CBFB: variants seen among roughly 807,000 people sequenced by gnomAD.
The protein encoded by CBFB is CBF-beta.
A neutral mutation model predicts 30.4 loss-of-function variants in CBFB; 9 were observed. That is an observed-to-expected ratio of 0.30 (90% CI 0.18 to 0.52). The LOEUF (loss-of-function observed/expected upper bound fraction) is 0.52. Ranked by LOEUF, CBFB falls within the 20% of genes least tolerant of loss-of-function variation. The pLI is 0.97. For missense variants in CBFB, 170 were observed against 244.0 expected (o/e 0.70, Z 2.02); for synonymous variants, 94 against 84.0 (o/e 1.12, Z -0.65).
intron 3 of CBFB, among the ~76,000 whole-genome samples, chr16:67,062,600 C>T (rs1435827979): frequency 3.3e-5 from 5 of 151,286 alleles, no homozygotes; most frequent in East Asian, 2.0e-4. Flanking sequence ...GAGAGCAGCC[C>T]GGCCAACATG....
intron 3 of CBFB, among the ~76,000 whole-genome samples, chr16:67,054,910 A>G (rs1597136647): frequency 6.8e-6 from 1 of 148,018 alleles, no homozygotes; most frequent in African/African-American, 2.5e-5. Flanking sequence ...GCCCACCACC[A>G]CGCCTGGCTA....
At chr16:67,092,419 A>C (rs148204500) in intron 5 of CBFB, among the ~76,000 whole-genome samples, 9 of 152,214 alleles carry the variant, frequency 5.9e-5, no homozygotes, top group South Asian at 2.1e-4. Context: ...ATTAATGCCA[A>C]TTGTAAGTTA....
intron 2 of CBFB, chr16:67,030,277 T>A (rs2071889757): frequency 6.4e-6 from 1 of 155,130 alleles, no homozygotes; most frequent in Admixed American, 6.6e-5. Flanking sequence ...TTCCTCCAGT[T>A]ATTTATTCTA....
At chr16:67,096,792 A>G (rs1473243014) in intron 5 of CBFB, among the ~76,000 whole-genome samples, 1 of 151,580 alleles carries the variant, frequency 6.6e-6, no homozygotes, top group South Asian at 2.1e-4. Flanking sequence ...GGCTAACACA[A>G]AGAAACCCCA....
intron 4 of CBFB, among the ~76,000 whole-genome samples, chr16:67,068,363 C>G (rs895785233): frequency 6.6e-6 from 1 of 151,966 alleles, no homozygotes; most frequent in African/African-American, 2.4e-5. Context: ...GTCTGTTAGT[C>G]CTAGCTACTT....
At chr16:67,075,608 A>G (rs1013065028) in intron 4 of CBFB, among the ~76,000 whole-genome samples, 5 of 152,206 alleles carry the variant, frequency 3.3e-5, no homozygotes, top group Admixed American at 6.5e-5. Context: ...GTTCTACTCC[A>G]AGGCATGATG....
intron 2 of CBFB, among the ~76,000 whole-genome samples, chr16:67,030,923 T>G (rs1443809397): frequency 6.6e-6 from 1 of 152,194 alleles, no homozygotes; most frequent in Admixed American, 6.5e-5. Flanking sequence ...TGAAGCACTG[T>G]CTAATGGAAT....
chr16:67,067,565 G>A (rs1961096232), intron 4 of CBFB, among the ~76,000 whole-genome samples: 3 of 152,086 alleles, frequency 2.0e-5, no homozygotes, highest in African/African-American at 7.2e-5. Context: ...CCTCATGGAA[G>A]CTATTGAATC....
rs539827037 is a variant in CBFB at position 67,085,974 on chromosome 16, G to A, written c.495+3666G>A. ...ATTACAGGCTTGAGCCACTGTGCCC[G>A]GCTTAAAATTTAGTATCTTTTAGTG... On this transcript the variant is annotated intron_variant, in intron 5 of 5. Transcript: ENST00000412916. Among the ~76,000 whole-genome samples, 10 of 152,206 alleles carry A rather than the reference G, an allele frequency of 6.6e-5. No individual in the cohort carries two copies. In the East Asian group the frequency reaches 1.2e-3, roughly 18 times the overall value.
intron 4 of CBFB, among the ~76,000 whole-genome samples, chr16:67,074,013 G>C (rs1460467748): frequency 6.6e-6 from 1 of 152,102 alleles, no homozygotes; most frequent in African/African-American, 2.4e-5. Context: ...CTGGGCAACA[G>C]AGCAAGACTC....
At chr16:67,095,452 G>A (rs996954485) in intron 5 of CBFB, among the ~76,000 whole-genome samples, 9 of 152,110 alleles carry the variant, frequency 5.9e-5, no homozygotes, top group Admixed American at 1.3e-4. Context: ...AGGAGGCAGA[G>A]GTTGCAGTGC....
At chr16:67,093,125 T>A (rs1323801970) in intron 5 of CBFB, among the ~76,000 whole-genome samples, 4 of 152,020 alleles carry the variant, frequency 2.6e-5, no homozygotes, top group Non-Finnish European at 5.9e-5. Context: ...TTTAAAAATT[T>A]TTTGTAGGGG....
intron 5 of CBFB, among the ~76,000 whole-genome samples, chr16:67,096,697 G>A (rs1333892916): frequency 3.3e-5 from 5 of 151,932 alleles, no homozygotes; most frequent in East Asian, 3.9e-4. Context: ...CATCTGGGCC[G>A]GGCGCGGTGG....
At chr16:67,054,319 G>A (rs778266284) in intron 3 of CBFB, among the ~76,000 whole-genome samples, 9 of 152,064 alleles carry the variant, frequency 5.9e-5, no homozygotes, top group African/African-American at 2.2e-4. Context: ...TTGTTTCATT[G>A]TCTTGGTTTA....
At chr16:67,082,792 C>G (rs759443730) in intron 5 of CBFB, among the ~76,000 whole-genome samples, 3 of 151,988 alleles carry the variant, frequency 2.0e-5, no homozygotes, top group Non-Finnish European at 2.9e-5. Flanking sequence ...ATTCAAAGAA[C>G]GGAATTAAAC....
chr16:67,082,416 C>T (rs1961591160), intron 5 of CBFB, 108 bp downstream of exon 5: 2 of 1,362,004 alleles, frequency 1.5e-6, no homozygotes, highest in African/African-American at 1.5e-5. Context: ...TTAATTTTGT[C>T]TTTCATTTTT....
chr16:67,092,507 A>T (rs1961915340), intron 5 of CBFB, among the ~76,000 whole-genome samples: 2 of 151,828 alleles, frequency 1.3e-5, no homozygotes, highest in South Asian at 4.1e-4. Flanking sequence ...AAATTACTTA[A>T]CCTTAGTCTT....
chr16:67,054,188 CG>C (rs1320381457), intron 3 of CBFB, among the ~76,000 whole-genome samples: 2 of 151,966 alleles, frequency 1.3e-5, no homozygotes, highest in African/African-American at 2.4e-5. Context: ...TCTTGGTTTA[CG>C]GTCTCTTTGT....
chr16:67,053,520 G>C lies in CBFB; in HGVS notation c.283-13162G>C, dbSNP rs145978122. On this transcript the variant is annotated intron_variant, in intron 3 of 5. Coordinates refer to ENST00000412916, the MANE Select transcript of CBFB (RefSeq NM_022845.3). ...TCCACACTCTTCGGCCTCCCAAAGT[G>C]CTGGGATTACAAGCGTGAGCCACCG... Among the ~76,000 whole-genome samples, 15 of 152,100 alleles carry C rather than the reference G, an allele frequency of 9.9e-5. No homozygotes were observed. The South Asian group carries it at 3.1e-3, about 32-fold the overall frequency.
Sources: gnomAD v4.1 joint callset for allele counts (sites outside exome capture counted in the v4.1 genomes callset) on GRCh38, gnomAD v4.1.1 for gene constraint, MANE v1.5 for transcripts, NCBI Gene and HGNC (gene_info 2026-07-23, HGNC 2026-07-21) for gene names.